Variants in ATF6 observed in about 807,000 individuals in gnomAD.
The protein encoded by ATF6 is cyclic AMP-dependent transcription factor ATF-6 alpha.
In ATF6, 53 loss-of-function variants were observed where a neutral mutation model predicts 83.6. The observed-to-expected ratio is 0.63, with a 90% CI of 0.51 to 0.80. The LOEUF (loss-of-function observed/expected upper bound fraction) is 0.80. Among genes scored for constraint, ATF6 ranks in the 30% least tolerant of loss-of-function variants. The probability of loss-of-function intolerance (pLI) is 0.00; values close to 1 mark genes in which losing one functional copy is unlikely to be tolerated. For missense variants in ATF6, 744 were observed against 797.9 expected, an observed-to-expected ratio of 0.93 and a Z score of 0.81; for synonymous variants, 288 against 285.8, an observed-to-expected ratio of 1.01 and a Z score of -0.08.
chr1:161,824,307 C>A (rs1196389511), intron 9 of ATF6, among the ~76,000 whole-genome samples: 1 of 149,442 alleles, frequency 6.7e-6, no homozygotes, highest in Non-Finnish European at 1.5e-5. Context: ...GTGTTAAGCT[C>A]AAATACCATG....
chr1:161,778,436 A>G, intron 2 of ATF6, 116 bp downstream of exon 2: 1 of 702,454 alleles, frequency 1.4e-6, no homozygotes, highest in South Asian at 1.8e-5. Context: ...CTTAATGGTA[A>G]ATAGCTTCTA....
At chr1:161,902,501 G>C (rs1687807036) in intron 14 of ATF6, among the ~76,000 whole-genome samples, 1 of 152,140 alleles carries the variant, frequency 6.6e-6, no homozygotes, top group Admixed American at 6.5e-5. Flanking sequence ...TTATACTAAG[G>C]CCTAGCAGTT....
At chr1:161,801,998 C>T in intron 6 of ATF6, 54 bp from the exon 7 acceptor site, 1 of 1,565,058 alleles carries the variant, frequency 6.4e-7, no homozygotes, top group East Asian at 2.2e-5. Flanking sequence ...TAAGCTGCTT[C>T]CCCTGCCACA....
intron 9 of ATF6, among the ~76,000 whole-genome samples, chr1:161,835,003 G>T (rs1686177753): frequency 6.6e-6 from 1 of 152,094 alleles, no homozygotes; most frequent in African/African-American, 2.4e-5. Context: ...ACTGAGAAGG[G>T]CACAGTATCA....
At chr1:161,918,596 A>G (rs1324740078) in intron 15 of ATF6, among the ~76,000 whole-genome samples, 5 of 152,190 alleles carry the variant, frequency 3.3e-5, no homozygotes, top group African/African-American at 7.2e-5. Context: ...TTGAGTACCT[A>G]TTTATTGAAA....
At chr1:161,923,550 G>A (rs1262014069) in intron 15 of ATF6, among the ~76,000 whole-genome samples, 2 of 152,130 alleles carry the variant, frequency 1.3e-5, no homozygotes, top group Admixed American at 6.5e-5. Flanking sequence ...AAAAAATAGG[G>A]TTAATGGTAG....
chr1:161,925,287 A>G (rs1280323471), intron 15 of ATF6, among the ~76,000 whole-genome samples: 1 of 152,168 alleles, frequency 6.6e-6, no homozygotes, highest in Non-Finnish European at 1.5e-5. Context: ...GTGTATTTCT[A>G]TTGGTGAAAC....
At chr1:161,864,784 G>A (rs568778934) in intron 14 of ATF6, among the ~76,000 whole-genome samples, 1 of 152,286 alleles carries the variant, frequency 6.6e-6, no homozygotes, top group South Asian at 2.1e-4. Context: ...GGGCAGCTGA[G>A]AACAATGTTT....
intron 14 of ATF6, among the ~76,000 whole-genome samples, chr1:161,875,416 C>T (rs575855960): frequency 2.2e-4 from 33 of 151,922 alleles, no homozygotes; most frequent in African/African-American, 7.5e-4. Flanking sequence ...TTTGAAAATA[C>T]TGGTTCACTG....
chr1:161,923,084 T>C (rs1342979854), intron 15 of ATF6, among the ~76,000 whole-genome samples: 3 of 152,208 alleles, frequency 2.0e-5, no homozygotes, highest in African/African-American at 4.8e-5. Context: ...TTTGCTTTAC[T>C]TCTGTGGACC....
At chr1:161,808,431 T>C (rs1476560976) in intron 7 of ATF6, among the ~76,000 whole-genome samples, 1 of 152,196 alleles carries the variant, frequency 6.6e-6, no homozygotes, top group Non-Finnish European at 1.5e-5. Context: ...TAAGTACTTA[T>C]AGTTTTATTT....
chr1:161,904,640 CA>C (rs1450022239), intron 14 of ATF6, among the ~76,000 whole-genome samples: 12 of 151,658 alleles, frequency 7.9e-5, no homozygotes, highest in Non-Finnish European at 1.8e-4. Context: ...CACACACACA[CA>C]CACACACAAA....
intron 15 of ATF6, among the ~76,000 whole-genome samples, chr1:161,927,011 C>A (rs959415785): frequency 6.6e-6 from 1 of 151,728 alleles, no homozygotes; most frequent in Non-Finnish European, 1.5e-5. Flanking sequence ...TTATATTCAG[C>A]GCATAGCACT....
At chr1:161,860,586 G>C (rs1359162990) in intron 13 of ATF6, among the ~76,000 whole-genome samples, 1 of 151,798 alleles carries the variant, frequency 6.6e-6, no homozygotes, top group Admixed American at 6.6e-5. Flanking sequence ...CCCTTGATTT[G>C]CATCTGTTTC....
At chr1:161,772,174 G>A (rs1310868062) in intron 1 of ATF6, among the ~76,000 whole-genome samples, 1 of 152,074 alleles carries the variant, frequency 6.6e-6, no homozygotes, top group East Asian at 1.9e-4. Context: ...TAAATACCAT[G>A]GACAGTCATT....
At chr1:161,839,617 C>T (rs78192567) in intron 9 of ATF6, among the ~76,000 whole-genome samples, 21,556 of 152,110 alleles carry the variant, frequency 0.14, 2,096 homozygotes, top group East Asian at 0.31. Context: ...AAGCAGTCTG[C>T]CCACCTTGGC....
chr1:161,782,066 C>T, intron 3 of ATF6, 67 bp downstream of exon 3: 1 of 1,133,286 alleles, frequency 8.8e-7, no homozygotes, highest in Non-Finnish European at 1.3e-6. Context: ...TGGTCATACT[C>T]AAAATTAGGT....
chr1:161,900,696 A>T (rs530379434), intron 14 of ATF6, among the ~76,000 whole-genome samples: 3 of 152,250 alleles, frequency 2.0e-5, no homozygotes, highest in Admixed American at 1.3e-4. Flanking sequence ...GTTATAGTGT[A>T]TGCTAATTAT....
rs559259367 is a variant in ATF6 at position 161,915,301 on chromosome 1, A to C, written c.1804+2921A>C. On this transcript the variant is annotated intron_variant, in intron 15 of 15. Coordinates refer to ENST00000367942, the MANE Select transcript of ATF6 (RefSeq NM_007348.4). ...TATGTATCATTGGGCAAGTTAATTA[A>C]CTTTTCTGTACCTCAGCTTCCTCAT... 1.1e-4 allele frequency among the ~76,000 whole-genome samples: 16 copies of C among 152,254 alleles called. 1 individual carries two copies. The East Asian group carries it at 2.5e-3, about 24-fold the overall frequency.
Sources: gnomAD v4.1 joint callset for allele counts (sites outside exome capture counted in the v4.1 genomes callset) on GRCh38, gnomAD v4.1.1 for gene constraint, MANE v1.5 for transcripts, NCBI Gene and HGNC (gene_info 2026-07-23, HGNC 2026-07-21) for gene names.